Variants in HDAC9 observed in about 807,000 individuals in gnomAD.
The protein encoded by HDAC9 is MEF-2 interacting transcription repressor (MITR) protein.
A neutral mutation model predicts 139.4 loss-of-function variants in HDAC9; 41 were observed. That is an observed-to-expected ratio of 0.29 (90% CI 0.23 to 0.38). The LOEUF (loss-of-function observed/expected upper bound fraction) is 0.38, where lower values mean the gene tolerates loss of function less well. Among genes scored for constraint, HDAC9 ranks in the 10% least tolerant of loss-of-function variants. The probability of loss-of-function intolerance (pLI) is 1.00; values close to 1 mark genes in which losing one functional copy is unlikely to be tolerated. For synonymous variants in HDAC9, 517 were observed against 476.2 expected, an observed-to-expected ratio of 1.09 and a Z score of -1.12; for missense variants, 1,147 against 1,297.0, an observed-to-expected ratio of 0.88 and a Z score of 1.78.
intron 2 of HDAC9, 51 bp downstream of exon 2, chr7:18,496,375 C>T: frequency 1.3e-6 from 2 of 1,508,290 alleles, no homozygotes; most frequent in South Asian, 1.1e-5. Flanking sequence ...AGGGGGCTGG[C>T]TTGGGAAATG....
At chr7:18,921,830 A>G (rs527917799) in intron 22 of HDAC9, among the ~76,000 whole-genome samples, 1 of 152,202 alleles carries the variant, frequency 6.6e-6, no homozygotes, top group African/African-American at 2.4e-5. Flanking sequence ...AACCAACCCA[A>G]ATGTCCAACA....
chr7:18,551,913 A>G (rs1040659581), intron 2 of HDAC9, among the ~76,000 whole-genome samples: 7 of 152,182 alleles, frequency 4.6e-5, no homozygotes, highest in African/African-American at 1.7e-4. Flanking sequence ...TATTTTATGT[A>G]TTATTATCTT....
At chr7:18,487,386 G>T (rs923054319) in intron 1 of HDAC9, among the ~76,000 whole-genome samples, 1 of 152,120 alleles carries the variant, frequency 6.6e-6, no homozygotes, top group East Asian at 1.9e-4. Context: ...TAATATCCAG[G>T]AATTGTGTCT....
intron 1 of HDAC9, among the ~76,000 whole-genome samples, chr7:18,420,169 T>C (rs1295795984): frequency 6.6e-6 from 1 of 152,190 alleles, no homozygotes; most frequent in Non-Finnish European, 1.5e-5. Flanking sequence ...CTAAATGTAG[T>C]TTTCCTGCAC....
At chr7:18,670,591 T>C (rs1795610865) in intron 12 of HDAC9, among the ~76,000 whole-genome samples, 1 of 152,078 alleles carries the variant, frequency 6.6e-6, no homozygotes, top group Non-Finnish European at 1.5e-5. Flanking sequence ...ATCATCCCAC[T>C]GTAGAGATGA....
chr7:18,790,590 C>A (rs531674358), intron 16 of HDAC9, among the ~76,000 whole-genome samples: 3 of 152,292 alleles, frequency 2.0e-5, no homozygotes, highest in African/African-American at 7.2e-5. Flanking sequence ...TGGACAAAGA[C>A]AAACTTGTTT....
At chr7:18,154,372 A>C (rs1398445017) in intron 1 of HDAC9, among the ~76,000 whole-genome samples, 1 of 152,206 alleles carries the variant, frequency 6.6e-6, no homozygotes, top group Non-Finnish European at 1.5e-5. Flanking sequence ...TGGAGTGAGA[A>C]AGATGAATAG....
At chr7:18,724,185 G>A (rs1041648615) in intron 12 of HDAC9, among the ~76,000 whole-genome samples, 4 of 152,184 alleles carry the variant, frequency 2.6e-5, no homozygotes, top group Middle Eastern at 6.8e-3. Context: ...TTTCTTAAAA[G>A]TTTTTCATAT....
intron 1 of HDAC9, among the ~76,000 whole-genome samples, chr7:18,447,479 A>C (rs564621237): frequency 1.3e-5 from 2 of 152,278 alleles, no homozygotes; most frequent in South Asian, 4.1e-4. Context: ...AGCCATTTGT[A>C]TTGTTAGCCC....
intron 2 of HDAC9, among the ~76,000 whole-genome samples, chr7:18,220,591 G>A (rs540626577): frequency 6.6e-6 from 1 of 152,264 alleles, no homozygotes; most frequent in African/African-American, 2.4e-5. Context: ...CACAGAGACA[G>A]ATAACCATGT....
chr7:18,762,781 C>A (rs972811618), intron 15 of HDAC9, among the ~76,000 whole-genome samples: 1 of 152,072 alleles, frequency 6.6e-6, no homozygotes, highest in African/African-American at 2.4e-5. Flanking sequence ...TATTGCCTTA[C>A]CTTTGGAATT....
chr7:18,137,521 T>C (rs1785517992), intron 1 of HDAC9, among the ~76,000 whole-genome samples: 1 of 152,032 alleles, frequency 6.6e-6, no homozygotes, highest in South Asian at 2.1e-4. Context: ...TGAAGGGTTG[T>C]TGAATTTTGT....
chr7:18,102,336 G>C (rs1782906873), intron 1 of HDAC9, among the ~76,000 whole-genome samples: 1 of 152,132 alleles, frequency 6.6e-6, no homozygotes, highest in African/African-American at 2.4e-5. Flanking sequence ...TTGAAAGCTA[G>C]TTGTTAAGCA....
chr7:18,762,320 C>T, intron 15 of HDAC9, 43 bp downstream of exon 15: 1 of 1,603,012 alleles, frequency 6.2e-7, no homozygotes, highest in Non-Finnish European at 8.5e-7. Context: ...CACATTCCAG[C>T]ACTATCATTA....
chr7:18,415,269 C>G (rs777269428), intron 1 of HDAC9, among the ~76,000 whole-genome samples: 6 of 152,284 alleles, frequency 3.9e-5, no homozygotes, highest in Admixed American at 1.3e-4. Flanking sequence ...TAAACTAGAA[C>G]CCATGGGGCT....
At chr7:18,322,835 G>A (rs188384678) in intron 1 of HDAC9, among the ~76,000 whole-genome samples, 2 of 152,190 alleles carry the variant, frequency 1.3e-5, no homozygotes, top group Non-Finnish European at 1.5e-5. Flanking sequence ...ATGTCCCCTT[G>A]GGAGAAAAAT....
At chr7:18,467,719 T>C (rs1426623471) in intron 1 of HDAC9, among the ~76,000 whole-genome samples, 1 of 152,214 alleles carries the variant, frequency 6.6e-6, no homozygotes, top group Non-Finnish European at 1.5e-5. Flanking sequence ...TATATTACGT[T>C]TATTACAACC....
At chr7:18,129,686 A>G (rs1784887447) in intron 1 of HDAC9, among the ~76,000 whole-genome samples, 1 of 152,168 alleles carries the variant, frequency 6.6e-6, no homozygotes, top group South Asian at 2.1e-4. Context: ...TCACTCATTC[A>G]TTCTTAATCC....
At position 18,762,261 on chromosome 7, in the gene HDAC9, C is replaced by T; in HGVS notation, c.2148C>T (p.Asp716=). 6.2e-7 allele frequency: 1 copy of T among 1,613,510 alleles called. No homozygotes were observed. The highest frequency in any genetic ancestry group is 1.1e-5 in the South Asian group (1 of 91,066). Residue 716 remains aspartate, a synonymous_variant, in exon 15 of 26, where the codon GAC becomes GAT. Transcript: ENST00000686413. ...GTNPLDGQKL[D]PRILLGDDSQ... is the part of the protein sequence containing the mutation. ...ACCCCCTGGACGGACAGAAGCTGGACCCCAGGATACTCCTAGGTCTGTACG... is the reference window on the plus strand; with the variant it reads ...ACCCCCTGGACGGACAGAAGCTGGATCCCAGGATACTCCTAGGTCTGTACG...
Sources: gnomAD v4.1 joint callset for allele counts (sites outside exome capture counted in the v4.1 genomes callset) on GRCh38, gnomAD v4.1.1 for gene constraint, MANE v1.5 for transcripts, NCBI Gene and HGNC (gene_info 2026-07-23, HGNC 2026-07-21) for gene names.